GNAL: variants seen among roughly 807,000 people sequenced by gnomAD.
GNAL encodes G protein subunit alpha L.
A neutral mutation model predicts 55.1 loss-of-function variants in GNAL; 18 were observed. That is an observed-to-expected ratio of 0.33 (90% CI 0.23 to 0.48). The LOEUF (loss-of-function observed/expected upper bound fraction) is 0.48, where lower values mean the gene tolerates loss of function less well. GNAL is among the 20% of genes least tolerant of loss of function. The probability of loss-of-function intolerance (pLI) is 0.99; values close to 1 mark genes in which losing one functional copy is unlikely to be tolerated. For missense variants in GNAL, 412 were observed against 614.1 expected (o/e 0.67, Z 3.48); for synonymous variants, 253 against 237.0 (o/e 1.07, Z -0.62).
intron 4 of GNAL, among the ~76,000 whole-genome samples, chr18:11,822,799 ATTGT>A (rs200775731): frequency 0.051 from 5,879 of 114,730 alleles, 138 homozygotes; most frequent in African/African-American, 0.096. Flanking sequence ...CTGGAGCAAT[ATTGT>A]TTTTCTTTTT....
chr18:11,820,234 C>A (rs58617475), intron 4 of GNAL, among the ~76,000 whole-genome samples: 9,692 of 152,180 alleles, frequency 0.064, 444 homozygotes, highest in African/African-American at 0.13. Context: ...CTTCTTATAT[C>A]TGTTGTTTCT....
intron 4 of GNAL, among the ~76,000 whole-genome samples, chr18:11,807,325 A>G (rs1226903078): frequency 6.6e-6 from 1 of 152,216 alleles, no homozygotes. Context: ...GCTGAGTGGA[A>G]TGGACTGTGG....
chr18:11,746,063 A>G, intron 1 of GNAL: 1 of 427,390 alleles, frequency 2.3e-6, no homozygotes, highest in Non-Finnish European at 4.6e-6. Flanking sequence ...TTGTGTCTTC[A>G]GAAGCTGAAG....
chr18:11,790,687 T>A (rs1346821853), intron 4 of GNAL, among the ~76,000 whole-genome samples: 3 of 143,702 alleles, frequency 2.1e-5, no homozygotes, highest in Non-Finnish European at 3.0e-5. Context: ...GAGACAGTCT[T>A]GCTCTGTTGC....
chr18:11,884,186 T>C lies in GNAL; in HGVS notation c.*3051T>C. On this transcript the variant is annotated 3_prime_UTR_variant, in exon 12 of 12. Coordinates refer to ENST00000334049, the MANE Select transcript of GNAL (RefSeq NM_182978.4). ...CGACATTAATAGCATTTACATACTG[T>C]ACAGATGCAACCTTTGATGATACAT... 1 of 446,960 alleles carries C rather than the reference T, an allele frequency of 2.2e-6. No homozygotes were observed. Among genetic ancestry groups the C allele is most frequent in the South Asian group, 2.6e-5 (1 of 38,436 alleles). 27.7% of individuals were successfully genotyped at this position (446,960 alleles called of 1,614,324 possible). A position where few individuals can be genotyped will look rare whatever the true frequency, so the allele number is the denominator to read the frequency against.
intron 10 of GNAL, among the ~76,000 whole-genome samples, chr18:11,873,431 A>AAATTC (rs893631646): frequency 6.6e-6 from 1 of 152,158 alleles, no homozygotes; most frequent in Non-Finnish European, 1.5e-5. Flanking sequence ...GACCCGAAAA[A>AAATTC]AATTCCTACT....
intron 4 of GNAL, among the ~76,000 whole-genome samples, chr18:11,794,296 C>T (rs1179097441): frequency 6.6e-6 from 1 of 152,218 alleles, no homozygotes; most frequent in East Asian, 1.9e-4. Context: ...GATAGCAGCA[C>T]TATTCACAAT....
chr18:11,767,459 A>G (rs1300632026), intron 4 of GNAL, among the ~76,000 whole-genome samples: 1 of 150,092 alleles, frequency 6.7e-6, no homozygotes, highest in African/African-American at 2.5e-5. Context: ...CTCTCTGTGC[A>G]CCTTATGCTT....
chr18:11,785,870 G>C (rs1021782349), intron 4 of GNAL, among the ~76,000 whole-genome samples: 1 of 152,142 alleles, frequency 6.6e-6, no homozygotes, highest in Non-Finnish European at 1.5e-5. Flanking sequence ...AAAGGCTTCC[G>C]CCCACCTTCC....
chr18:11,806,928 C>G (rs2034678766), intron 4 of GNAL, among the ~76,000 whole-genome samples: 2 of 152,070 alleles, frequency 1.3e-5, no homozygotes, highest in African/African-American at 4.8e-5. Context: ...CGGCCTCCCA[C>G]AGTGCTGGTA....
At position 11,790,900 on chromosome 18, in the gene GNAL, G is replaced by A. The variant is rs143430455; in HGVS notation, c.625-34018G>A. Among the ~76,000 whole-genome samples, 765 of 152,028 alleles carry A rather than the reference G, an allele frequency of 5.0e-3. 1 individual carries two copies. The highest frequency in any genetic ancestry group is 7.4e-3 in the Non-Finnish European group (502 of 67,982). On this transcript the variant is annotated intron_variant, in intron 4 of 11. Coordinates refer to ENST00000334049, the MANE Select transcript of GNAL (RefSeq NM_182978.4). Reference sequence around the variant, plus strand: ...TCTTGATCTCCTGACCTCGTAATCCGCCTGCCTCAGCTTCCCTAAGTTCTG... The same window carrying A: ...TCTTGATCTCCTGACCTCGTAATCCACCTGCCTCAGCTTCCCTAAGTTCTG...
intron 9 of GNAL, among the ~76,000 whole-genome samples, chr18:11,869,683 C>CG (rs1480172918): frequency 3.3e-5 from 5 of 151,958 alleles, no homozygotes; most frequent in Non-Finnish European, 5.9e-5. Context: ...GAGGCTGAGA[C>CG]GGGGGAATTG....
chr18:11,727,286 A>AT (rs1233601058), intron 1 of GNAL, among the ~76,000 whole-genome samples: 3 of 152,214 alleles, frequency 2.0e-5, no homozygotes, highest in African/African-American at 7.2e-5. Flanking sequence ...CAAGCCTGGG[A>AT]GTCCCCACAC....
In GNAL at chr18:11,883,308, CAAAGTA is replaced by C. The variant is rs1218028560; in HGVS notation, c.*2177_*2182del. ...TTATTTTCAGTTCCCCTTGCACTGT[CAAAGTA>C]AAACAAGAAAACTGAAAAGCTGCAC... On this transcript the variant is annotated 3_prime_UTR_variant, in exon 12 of 12. Coordinates refer to ENST00000334049, the MANE Select transcript of GNAL (RefSeq NM_182978.4). 3 of 152,310 alleles carry C rather than the reference CAAAGTA, an allele frequency of 2.0e-5. No homozygotes were observed. The highest frequency in any genetic ancestry group is 1.9e-4 in the East Asian group (1 of 5,198). 9.4% of individuals were successfully genotyped at this position (152,310 alleles called of 1,614,324 possible). A position where few individuals can be genotyped will look rare whatever the true frequency, so the allele number is the denominator to read the frequency against.
At chr18:11,851,476 T>C (rs1198095000) in intron 5 of GNAL, 1 of 1,499,866 alleles carries the variant, frequency 6.7e-7, no homozygotes, top group African/African-American at 1.4e-5. Flanking sequence ...GGCGCGCTTC[T>C]CAGCCGGGCC....
intron 5 of GNAL, among the ~76,000 whole-genome samples, chr18:11,856,317 A>G (rs1400041586): frequency 6.6e-6 from 1 of 151,364 alleles, no homozygotes; most frequent in Non-Finnish European, 1.5e-5. Context: ...CGGGCCAGGC[A>G]ATGTCTGTCA....
Position 11,885,680 on chromosome 18 carries a change from A to T in GNAL, c.*4545A>T, listed in dbSNP as rs773985657. ...AAAAATAAACTTTCACGTTACCATG[A>T]TGAAACTGGGGTTGTTTCTGTTCCT... On this transcript the variant is annotated 3_prime_UTR_variant, in exon 12 of 12. Transcript: ENST00000334049. The T allele has an allele frequency of 7.4e-6, 12 of 1,612,418 alleles. No individual in the cohort carries two copies. Among genetic ancestry groups the T allele is most frequent in the Non-Finnish European group, 1.0e-5 (12 of 1,178,830 alleles).
intron 1 of GNAL, among the ~76,000 whole-genome samples, chr18:11,705,602 A>G (rs768005541): frequency 6.6e-6 from 1 of 152,088 alleles, no homozygotes; most frequent in Non-Finnish European, 1.5e-5. Context: ...GTTTCTCTGC[A>G]TCTTTGCCGA....
At chr18:11,851,767 G>A (rs763343480) in intron 5 of GNAL, 1 of 1,613,868 alleles carries the variant, frequency 6.2e-7, no homozygotes, top group African/African-American at 1.3e-5. Context: ...GGTGACGATG[G>A]GCAAGGTGAC....
Sources: allele counts gnomAD v4.1 joint callset (sites outside exome capture counted in the v4.1 genomes callset), GRCh38; gene constraint gnomAD v4.1.1; transcripts MANE v1.5; gene names NCBI Gene and HGNC (gene_info 2026-07-23, HGNC 2026-07-21).